The following ATP9B variants were observed in gnomAD, a reference collection of about 807,000 sequenced individuals.
ATP9B encodes the protein probable phospholipid-transporting ATPase IIB.
A neutral mutation model predicts 146.1 loss-of-function variants in ATP9B; 110 were observed. That is an observed-to-expected ratio of 0.75 (90% confidence interval 0.65 to 0.88). ATP9B has a LOEUF of 0.88. Ranked by LOEUF, ATP9B falls within the 40% of genes least tolerant of loss-of-function variation. ATP9B has a pLI of 0.00. For missense variants in ATP9B, 1,499 were observed against 1,496.4 expected, an observed-to-expected ratio of 1.00 and a Z score of -0.03; for synonymous variants, 604 against 569.7, an observed-to-expected ratio of 1.06 and a Z score of -0.86.
chr18:79,302,400 C>A (rs2096596665), intron 13 of ATP9B, among the ~76,000 whole-genome samples: 1 of 151,518 alleles, frequency 6.6e-6, no homozygotes. Context: ...GCACACACCC[C>A]CGGGGACAAG....
chr18:79,309,336 C>T (rs1414869807), intron 15 of ATP9B, among the ~76,000 whole-genome samples: 7 of 115,980 alleles, frequency 6.0e-5, no homozygotes, highest in African/African-American at 1.8e-4. Flanking sequence ...GGACTGATCC[C>T]CAGCAGGTAG....
At chr18:79,184,503 T>G (rs554651385) in intron 8 of ATP9B, among the ~76,000 whole-genome samples, 62 of 151,702 alleles carry the variant, frequency 4.1e-4, no homozygotes, top group African/African-American at 1.3e-3. Context: ...TTGCTTTTGG[T>G]TTTTTTTTAT....
chr18:79,252,935 C>T (rs934430559), intron 11 of ATP9B, among the ~76,000 whole-genome samples: 1 of 152,140 alleles, frequency 6.6e-6, no homozygotes, highest in African/African-American at 2.4e-5. Context: ...GAGGCACCCA[C>T]ACGGATAACA....
chr18:79,108,323 G>T (rs2075789312), intron 2 of ATP9B, among the ~76,000 whole-genome samples: 1 of 152,088 alleles, frequency 6.6e-6, no homozygotes, highest in African/African-American at 2.4e-5. Flanking sequence ...TTTCATTCAA[G>T]CATAAACAGA....
chr18:79,128,633 A>G (rs1328214129), intron 5 of ATP9B, among the ~76,000 whole-genome samples: 1 of 152,198 alleles, frequency 6.6e-6, no homozygotes, highest in African/African-American at 2.4e-5. Flanking sequence ...TAAGAATATA[A>G]TATAGATCTA....
chr18:79,266,680 C>G (rs2096207327), intron 12 of ATP9B, among the ~76,000 whole-genome samples: 1 of 152,092 alleles, frequency 6.6e-6, no homozygotes, highest in Admixed American at 6.5e-5. Context: ...AAATATTTTT[C>G]TAAATCTATT....
intron 5 of ATP9B, among the ~76,000 whole-genome samples, chr18:79,133,628 T>G (rs1027377650): frequency 6.6e-6 from 1 of 152,168 alleles, no homozygotes; most frequent in African/African-American, 2.4e-5. Context: ...AGTAGATACA[T>G]AAACTCATTA....
chr18:79,270,405 G>T (rs2096243514), intron 12 of ATP9B, among the ~76,000 whole-genome samples: 1 of 151,938 alleles, frequency 6.6e-6, no homozygotes, highest in Admixed American at 6.6e-5. Flanking sequence ...TTTGAAAATT[G>T]CAAAACTCTC....
chr18:79,372,201 C>T (rs1406140062), intron 26 of ATP9B, among the ~76,000 whole-genome samples: 5 of 149,376 alleles, frequency 3.3e-5, no homozygotes, highest in Non-Finnish European at 7.4e-5. Flanking sequence ...CCCCTCGTCC[C>T]CTGCCTCCTG....
At chr18:79,225,977 C>G (rs2095729910) in intron 11 of ATP9B, among the ~76,000 whole-genome samples, 1 of 152,230 alleles carries the variant, frequency 6.6e-6, no homozygotes, top group Non-Finnish European at 1.5e-5. Flanking sequence ...CTTGGCTCCC[C>G]CATTGTCATC....
intron 8 of ATP9B, among the ~76,000 whole-genome samples, chr18:79,188,339 C>T (rs569825237): frequency 2.9e-4 from 44 of 152,332 alleles, no homozygotes; most frequent in African/African-American, 1.1e-3. Flanking sequence ...CTACGTCCCT[C>T]AGAATACAGG....
chr18:79,253,665 C>T (rs1336919991), intron 12 of ATP9B, 124 bp downstream of exon 12: 1 of 1,051,502 alleles, frequency 9.5e-7, no homozygotes, highest in Admixed American at 3.2e-5. Context: ...GCCAGAAGTT[C>T]TGAGGAATCT....
At chr18:79,283,678 A>G (rs1004711616) in intron 13 of ATP9B, among the ~76,000 whole-genome samples, 15 of 152,244 alleles carry the variant, frequency 9.9e-5, no homozygotes, top group Non-Finnish European at 2.1e-4. Context: ...ACATAAAGCA[A>G]TTCATTCGAC....
chr18:79,230,152 T>G (rs1357709117), intron 11 of ATP9B, among the ~76,000 whole-genome samples: 1 of 152,204 alleles, frequency 6.6e-6, no homozygotes, highest in Non-Finnish European at 1.5e-5. Context: ...AATTTAGTAT[T>G]AACACCGTAA....
chr18:79,347,740 T>G, intron 23 of ATP9B, 30 bp from the exon 24 acceptor site: 1 of 1,504,868 alleles, frequency 6.6e-7, no homozygotes, highest in Non-Finnish European at 8.9e-7. Flanking sequence ...TCCGCCATGT[T>G]TGAAAAGGCC....
intron 29 of ATP9B, 75 bp downstream of exon 29, chr18:79,375,501 A>T: frequency 6.4e-7 from 1 of 1,565,086 alleles, no homozygotes; most frequent in Non-Finnish European, 8.7e-7. Flanking sequence ...CTTAACTAAT[A>T]AGAAAAACAA....
chr18:79,173,157 C>A (rs2095106108), intron 7 of ATP9B, among the ~76,000 whole-genome samples: 1 of 152,138 alleles, frequency 6.6e-6, no homozygotes, highest in South Asian at 2.1e-4. Flanking sequence ...CTTTTCATGT[C>A]TTTTGCCCAT....
intron 4 of ATP9B, among the ~76,000 whole-genome samples, chr18:79,124,766 G>T (rs1039911965): frequency 6.6e-6 from 1 of 152,204 alleles, no homozygotes; most frequent in Admixed American, 6.5e-5. Context: ...GAGAGCCTGC[G>T]TCCGGCTGGG....
intron 1 of ATP9B, among the ~76,000 whole-genome samples, chr18:79,078,844 T>G (rs1247466264): frequency 2.0e-5 from 3 of 152,092 alleles, no homozygotes; most frequent in African/African-American, 4.8e-5. Flanking sequence ...CCGGTGTGTG[T>G]TGTTCCCCTC....
Sources: allele counts gnomAD v4.1 joint callset (sites outside exome capture counted in the v4.1 genomes callset), GRCh38; gene constraint gnomAD v4.1.1; transcripts MANE v1.5; gene names NCBI Gene and HGNC (gene_info 2026-07-23, HGNC 2026-07-21).